TAPBPL: variants seen among roughly 807,000 people sequenced by gnomAD.
TAPBPL encodes the protein tapasin-related protein.
A neutral mutation model predicts 44.8 loss-of-function variants in TAPBPL; 32 were observed. The ratio of observed to expected loss-of-function variants is 0.71; its 90% confidence interval spans 0.54 to 0.96. The LOEUF is 0.96. Ranked by LOEUF, TAPBPL falls within the 40% of genes least tolerant of loss-of-function variation. TAPBPL has a pLI of 0.00. For missense variants in TAPBPL, 520 were observed against 586.6 expected, an observed-to-expected ratio of 0.89 and a Z score of 1.17; for synonymous variants, 230 against 240.7, an observed-to-expected ratio of 0.96 and a Z score of 0.41.
chr12:6,460,434 T>G (rs1460888613), intron 5 of TAPBPL, among the ~76,000 whole-genome samples: 1 of 151,680 alleles, frequency 6.6e-6, no homozygotes, highest in Non-Finnish European at 1.5e-5. Context: ...CCCAGTTAAT[T>G]TTTTGTATTT....
At chr12:6,468,351 TGCCATAAGGGCAGCTTGGAAAA>T, downstream of TAPBPL, among the ~76,000 whole-genome samples, 1 of 152,252 alleles carries the variant, frequency 6.6e-6, no homozygotes, top group African/African-American at 2.4e-5. Context: ...AAATCAGGGC[TGCCATAAGGGCAGCTTGGAAAA>T]TCACCAAAGG....
rs866255439 is a variant in TAPBPL at position 6,452,042 on chromosome 12, A to G, written c.-207A>G. 1.6e-6 allele frequency: 1 copy of G among 612,686 alleles called. No individual in the cohort carries two copies. The highest frequency in any genetic ancestry group is 2.0e-5 in the South Asian group (1 of 51,080). 38.0% of individuals were successfully genotyped at this position (612,686 alleles called of 1,614,324 possible). A position where few individuals can be genotyped will look rare whatever the true frequency, so the allele number is the denominator to read the frequency against. ...CAAGCAGGGCTCTGGCAGCTGCTGCAGACGGCTTCACACAGGGACGCGGGC... is the reference window on the plus strand; with the variant it reads ...CAAGCAGGGCTCTGGCAGCTGCTGCGGACGGCTTCACACAGGGACGCGGGC... On this transcript the variant is annotated 5_prime_UTR_variant, in exon 1 of 7. Coordinates refer to ENST00000266556, the MANE Select transcript of TAPBPL (RefSeq NM_018009.5).
At chr12:6,465,142 T>C (rs1363586861), downstream of TAPBPL, 2 of 679,198 alleles carry the variant, frequency 2.9e-6, no homozygotes, top group Non-Finnish European at 4.8e-6. Context: ...TCTGTAGCTT[T>C]TCAGATTCAT....
chr12:6,453,362 C>T lies in TAPBPL; in HGVS notation c.295+65C>T, dbSNP rs1479421407. 4.4e-6 allele frequency: 7 copies of T among 1,608,718 alleles called. No individual in the cohort carries two copies. The highest frequency in any genetic ancestry group is 2.2e-5 in the South Asian group (2 of 90,420). On this transcript the variant is annotated intron_variant, in intron 2 of 6. Transcript: ENST00000266556. The surrounding 1 kb of genome is among the most constrained non-coding windows in gnomAD (Gnocchi z 4.8). ...CCCTCCACCAGGACAGCCCAGGTCC[C>T]GATTACAGCCACACATACTGCCTCC...
In TAPBPL at chr12:6,452,225, G is replaced by C; in HGVS notation, c.-24G>C. On this transcript the variant is annotated 5_prime_UTR_variant, in exon 1 of 7. Transcript: ENST00000266556. Reference sequence around the variant, plus strand: ...GACTGTGGAGAAGGGCGGTGGGCAAGGAGGGAACTCGAGAGCAGCCTCCAT... The same window carrying C: ...GACTGTGGAGAAGGGCGGTGGGCAACGAGGGAACTCGAGAGCAGCCTCCAT... 2 of 1,564,678 alleles carry C rather than the reference G, an allele frequency of 1.3e-6. No homozygotes were observed. The highest frequency in any genetic ancestry group is 2.3e-5 in the East Asian group (1 of 43,134).
rs11569392 is a variant in TAPBPL at position 6,452,085 on chromosome 12, T to C, written c.-164T>C. ...ACGCGGGCTGCCATCTTGCTCTAAG[T>C]GAAAGTGAAAGAAAAGTCGGCAGCA... On this transcript the variant is annotated 5_prime_UTR_variant, in exon 1 of 7. Transcript: ENST00000266556. The C allele has an allele frequency of 0.01, 8,408 of 802,562 alleles. 480 individuals carry two copies. In the African/African-American group the frequency reaches 0.13, roughly 12 times the overall value. 49.7% of individuals were successfully genotyped at this position (802,562 alleles called of 1,614,324 possible).
intron 5 of TAPBPL, among the ~76,000 whole-genome samples, chr12:6,460,115 C>G (rs866527545): frequency 3.3e-5 from 5 of 152,112 alleles, no homozygotes; most frequent in Non-Finnish European, 7.4e-5. Context: ...GAACCCGCAA[C>G]TTGAAGTGGA....
At position 6,462,229 on chromosome 12, in the gene TAPBPL, C is replaced by G. The variant is rs1160853522; in HGVS notation, c.*80C>G. The G allele has an allele frequency of 1.6e-6, 2 of 1,248,582 alleles. No homozygotes were observed. Among genetic ancestry groups the G allele is most frequent in the African/African-American group, 3.0e-5 (2 of 65,818 alleles). The allele number at this position is 1,248,582 out of a possible 1,614,324, so 77.3% of individuals were successfully genotyped here. On this transcript the variant is annotated 3_prime_UTR_variant, in exon 7 of 7. Coordinates refer to ENST00000266556, the MANE Select transcript of TAPBPL (RefSeq NM_018009.5). ...CAGCTACTCCAACCCAAACAACAACCAAGCCAGTTTAATGGTAGGAATTTG... is the reference window on the plus strand; with the variant it reads ...CAGCTACTCCAACCCAAACAACAACGAAGCCAGTTTAATGGTAGGAATTTG...
At position 6,458,826 on chromosome 12, in the gene TAPBPL, C is replaced by T; in HGVS notation, c.1086C>T (p.Thr362=). ...GCCTCAGGCAAAGCGTGGCAGGCAC[C>T]TACAGCATCTCCTCCTCTCTCACCG... ...FSSLRQSVAG[T]YSISSSLTAE... is the part of the protein sequence containing the mutation. The change falls in exon 5 of 7, where the codon ACC becomes ACT. Residue 362 remains threonine (T), a synonymous_variant. Coordinates refer to ENST00000266556, the MANE Select transcript of TAPBPL (RefSeq NM_018009.5). 6.2e-7 allele frequency: 1 copy of T among 1,614,144 alleles called. No homozygotes were observed.
downstream of TAPBPL, chr12:6,464,162 TC>T: frequency 7.0e-7 from 1 of 1,426,044 alleles, no homozygotes; most frequent in Non-Finnish European, 9.3e-7. Flanking sequence ...GCCACTCCCC[TC>T]CCTGCCCCTT....
chr12:6,455,139 G>A (rs895906309), intron 3 of TAPBPL, among the ~76,000 whole-genome samples: 35 of 152,204 alleles, frequency 2.3e-4, no homozygotes, highest in African/African-American at 8.4e-4. Flanking sequence ...TCCACCAGTT[G>A]TTAACAATTT....
chr12:6,464,454 A>G, downstream of TAPBPL: 1 of 1,564,018 alleles, frequency 6.4e-7, no homozygotes, highest in Non-Finnish European at 8.7e-7. Context: ...GACAACAGGG[A>G]AGGGGTGGTA....
downstream of TAPBPL, chr12:6,462,737 G>A (rs1481659194): frequency 5.3e-6 from 7 of 1,323,512 alleles, no homozygotes; most frequent in Non-Finnish European, 5.2e-6. Flanking sequence ...TTCTCCAGCG[G>A]TGACCCCCTG....
downstream of TAPBPL, chr12:6,466,295 C>A: frequency 6.2e-7 from 1 of 1,614,130 alleles, no homozygotes; most frequent in Non-Finnish European, 8.5e-7. Context: ...GCCAGGGGGA[C>A]CCCCACCTGG....
rs772691128 is a variant in TAPBPL, at chr12:6,458,730, TGTG to T, written c.997_999del (p.Val333del). The T allele has an allele frequency of 1.2e-6, 2 of 1,614,174 alleles. No homozygotes were observed. Among genetic ancestry groups the T allele is most frequent in the South Asian group, 1.1e-5 (1 of 91,080 alleles). On this transcript the variant is annotated inframe_deletion, in exon 5 of 7. Coordinates refer to ENST00000266556, the MANE Select transcript of TAPBPL (RefSeq NM_018009.5). ...ACATTGCTGGCTATTACCCTCTGGA[TGTG>T]GTGGTGACGTGGACCCGAGAGGAGC...
At chr12:6,470,290 T>C (rs922908166), downstream of TAPBPL, among the ~76,000 whole-genome samples, 5 of 148,536 alleles carry the variant, frequency 3.4e-5, no homozygotes, top group Non-Finnish European at 4.5e-5. Flanking sequence ...GAGGAGAGGG[T>C]GCAATGATTG....
upstream of TAPBPL, chr12:6,451,987 G>A (rs1949557294): frequency 3.7e-6 from 2 of 538,394 alleles, no homozygotes; most frequent in South Asian, 2.0e-5. Flanking sequence ...GGGGATTTCC[G>A]GGTGAGGTGG....
chr12:6,464,301 G>A (rs770109060), downstream of TAPBPL: 2 of 1,544,484 alleles, frequency 1.3e-6, no homozygotes, highest in Non-Finnish European at 8.7e-7. Flanking sequence ...CATTTCTAGT[G>A]TTGAGGGACA....
Position 6,455,761 on chromosome 12 carries a change from C to G in TAPBPL, c.566-1645C>G, listed in dbSNP as rs1949687130. ...TCTGGGCAACATAGAGAGCGAGACC[C>G]TCTTTTTTTTTTTTTTTTTTTAACA... On this transcript the variant is annotated intron_variant, in intron 3 of 6. Coordinates refer to ENST00000266556, the MANE Select transcript of TAPBPL (RefSeq NM_018009.5). Among the ~76,000 whole-genome samples, 4 of 111,036 alleles carry G rather than the reference C, an allele frequency of 3.6e-5. No individual in the cohort carries two copies. The South Asian group carries it at 1.3e-3, about 37-fold the overall frequency. 72.8% of individuals were successfully genotyped at this position (111,036 alleles called of 152,430 possible).
Sources: gnomAD v4.1 joint callset for allele counts (sites outside exome capture counted in the v4.1 genomes callset) on GRCh38, gnomAD v4.1.1 for gene constraint, Gnocchi (gnomAD v3.1) non-coding constraint, MANE v1.5 for transcripts, NCBI Gene and HGNC (gene_info 2026-07-23, HGNC 2026-07-21) for gene names.